FNDC3B: variants seen among roughly 807,000 people sequenced by gnomAD.
FNDC3B encodes the protein fibronectin type III domain containing 3B.
Under a neutral mutation model 151.5 loss-of-function variants are expected in FNDC3B, and 12 were observed. The ratio of observed to expected loss-of-function variants is 0.08; its 90% CI spans 0.05 to 0.13. FNDC3B has a LOEUF of 0.13. Among genes scored for constraint, FNDC3B ranks in the 10% least tolerant of loss-of-function variants. The pLI is 1.00. For synonymous variants in FNDC3B, 528 were observed against 549.0 expected, an observed-to-expected ratio of 0.96 and a Z score of 0.54; for missense variants, 1,214 against 1,505.3, an observed-to-expected ratio of 0.81 and a Z score of 3.20.
At chr3:172,209,352 G>T (rs1031889002) in intron 3 of FNDC3B, among the ~76,000 whole-genome samples, 5 of 152,186 alleles carry the variant, frequency 3.3e-5, no homozygotes, top group Non-Finnish European at 7.3e-5. Context: ...CGTTCCTGCT[G>T]TTTGGTGGGT....
At chr3:172,315,868 G>A (rs905043448) in intron 11 of FNDC3B, among the ~76,000 whole-genome samples, 1 of 151,966 alleles carries the variant, frequency 6.6e-6, no homozygotes, top group Non-Finnish European at 1.5e-5. Flanking sequence ...GGGGGAAGGC[G>A]GACACCATGC....
At chr3:172,332,662 C>G (rs550453571) in intron 13 of FNDC3B, among the ~76,000 whole-genome samples, 2 of 152,106 alleles carry the variant, frequency 1.3e-5, no homozygotes, top group South Asian at 2.1e-4. Flanking sequence ...AGGATTGTGC[C>G]CTTTCCCATC....
intron 3 of FNDC3B, among the ~76,000 whole-genome samples, chr3:172,178,577 G>T (rs552287006): frequency 1.3e-5 from 2 of 152,140 alleles, no homozygotes; most frequent in Non-Finnish European, 2.9e-5. Flanking sequence ...TTGGTTTAGG[G>T]CTGTAGCTAT....
At chr3:172,184,671 T>C (rs563447097) in intron 3 of FNDC3B, among the ~76,000 whole-genome samples, 5 of 152,288 alleles carry the variant, frequency 3.3e-5, no homozygotes, top group African/African-American at 1.2e-4. Flanking sequence ...AGGAGGGACA[T>C]GTGAAGGAGG....
At chr3:172,376,563 A>C (rs1232398700) in intron 23 of FNDC3B, among the ~76,000 whole-genome samples, 1 of 152,226 alleles carries the variant, frequency 6.6e-6, no homozygotes, top group Non-Finnish European at 1.5e-5. Flanking sequence ...AGGCTGAGTT[A>C]ATAAATAGCT....
chr3:172,169,905 T>C (rs893699640), intron 3 of FNDC3B, among the ~76,000 whole-genome samples: 21 of 152,170 alleles, frequency 1.4e-4, no homozygotes, highest in African/African-American at 5.1e-4. Flanking sequence ...AAACTTAAAA[T>C]AGGATTTTTT....
At chr3:172,357,984 A>G (rs115807120) in intron 22 of FNDC3B, among the ~76,000 whole-genome samples, 15 of 152,306 alleles carry the variant, frequency 9.8e-5, no homozygotes, top group African/African-American at 2.9e-4. Context: ...CAGACGGTCA[A>G]TGTTGAACTG....
chr3:172,121,774 C>T (rs1049539621), intron 2 of FNDC3B, among the ~76,000 whole-genome samples: 1 of 151,934 alleles, frequency 6.6e-6, no homozygotes, highest in African/African-American at 2.4e-5. Flanking sequence ...CTTATGTTGC[C>T]CAGGCTGGTC....
At chr3:172,189,674 C>T (rs963908676) in intron 3 of FNDC3B, among the ~76,000 whole-genome samples, 3 of 151,878 alleles carry the variant, frequency 2.0e-5, no homozygotes, top group Admixed American at 2.0e-4. Context: ...ATTAGCCAGG[C>T]ATGGTGGCAC....
intron 4 of FNDC3B, among the ~76,000 whole-genome samples, chr3:172,233,031 A>G (rs1211629275): frequency 1.3e-5 from 2 of 152,212 alleles, no homozygotes; most frequent in Admixed American, 6.5e-5. Flanking sequence ...TTTTCCTTCC[A>G]TTGTATACTG....
intron 3 of FNDC3B, among the ~76,000 whole-genome samples, chr3:172,179,395 T>C (rs1331015487): frequency 6.6e-6 from 1 of 151,714 alleles, no homozygotes; most frequent in East Asian, 1.9e-4. Flanking sequence ...TCAAGGTAAA[T>C]GTAGAATGTA....
intron 3 of FNDC3B, among the ~76,000 whole-genome samples, chr3:172,156,623 G>C (rs1722498857): frequency 6.6e-6 from 1 of 152,002 alleles, no homozygotes; most frequent in South Asian, 2.1e-4. Flanking sequence ...TGTATCCTTT[G>C]CTAATTGAAC....
intron 3 of FNDC3B, among the ~76,000 whole-genome samples, chr3:172,185,066 G>T (rs1724099835): frequency 6.6e-6 from 1 of 152,154 alleles, no homozygotes; most frequent in Non-Finnish European, 1.5e-5. Context: ...GTAGATGAAA[G>T]CCATTGCTAT....
chr3:172,394,975 G>A (rs946843891), intron 25 of FNDC3B, among the ~76,000 whole-genome samples: 1 of 152,106 alleles, frequency 6.6e-6, no homozygotes, highest in Non-Finnish European at 1.5e-5. Flanking sequence ...TTAACAGAAT[G>A]AAGGCCAAAA....
chr3:172,058,633 C>A (rs1424647686), intron 1 of FNDC3B, among the ~76,000 whole-genome samples: 3 of 152,050 alleles, frequency 2.0e-5, no homozygotes, highest in African/African-American at 7.2e-5. Flanking sequence ...CCATGAAATA[C>A]ATAATGAGAA....
At chr3:172,310,264 T>G (rs1731401398) in intron 10 of FNDC3B, among the ~76,000 whole-genome samples, 1 of 152,168 alleles carries the variant, frequency 6.6e-6, no homozygotes, top group Non-Finnish European at 1.5e-5. Flanking sequence ...TGATGAAACT[T>G]CCCTCTGCTA....
chr3:172,268,928 A>G (rs1394293241), intron 6 of FNDC3B, among the ~76,000 whole-genome samples: 1 of 152,256 alleles, frequency 6.6e-6, no homozygotes, highest in Non-Finnish European at 1.5e-5. Flanking sequence ...GACTTTGGGA[A>G]AAACTATTTA....
intron 2 of FNDC3B, among the ~76,000 whole-genome samples, chr3:172,118,739 G>A (rs1359380979): frequency 6.6e-6 from 1 of 152,206 alleles, no homozygotes; most frequent in Non-Finnish European, 1.5e-5. Context: ...CGTGAGAAAT[G>A]CACAACCTGT....
intron 13 of FNDC3B, 147 bp downstream of exon 13, chr3:172,330,862 C>A (rs933627753): frequency 6.6e-6 from 4 of 605,274 alleles, no homozygotes; most frequent in East Asian, 3.0e-5. Flanking sequence ...CCAACACCGG[C>A]CTGTTCTTTC....
Sources: allele counts gnomAD v4.1 joint callset (sites outside exome capture counted in the v4.1 genomes callset), GRCh38; gene constraint gnomAD v4.1.1; transcripts MANE v1.5; gene names NCBI Gene and HGNC (gene_info 2026-07-23, HGNC 2026-07-21).